NEMP2: variants seen among roughly 807,000 people sequenced by gnomAD.
The protein encoded by NEMP2 is UPF0571 transmembrane protein.
NEMP2 carries 53 observed loss-of-function variants against 54.2 expected under a neutral mutation model. The observed-to-expected ratio is 0.98, with a 90% CI of 0.78 to 1.23. The LOEUF is 1.23. NEMP2 is among the 50% of genes most tolerant of loss of function. The pLI, the probability that NEMP2 is intolerant of heterozygous loss-of-function variation, is 0.00. For synonymous variants in NEMP2, 197 were observed against 190.3 expected (o/e 1.04, Z -0.29); for missense variants, 455 against 511.3 (o/e 0.89, Z 1.06).
the NEMP2 span, among the ~76,000 whole-genome samples, chr2:190,557,247 T>C: frequency 6.6e-6 from 1 of 152,154 alleles, no homozygotes; most frequent in Admixed American, 6.5e-5. Context: ...ATTTAATAAA[T>C]GGTATTGGGA....
the NEMP2 span, among the ~76,000 whole-genome samples, chr2:190,568,930 T>A: frequency 6.6e-6 from 1 of 152,046 alleles, no homozygotes; most frequent in African/African-American, 2.4e-5. The surrounding 1 kb of genome is among the most constrained non-coding windows in gnomAD (Gnocchi z 4.7). Context: ...ACTAAATCCG[T>A]ATCTCCCACA....
At chr2:190,503,881 G>A (rs774722879), downstream of NEMP2, among the ~76,000 whole-genome samples, 17 of 152,196 alleles carry the variant, frequency 1.1e-4, no homozygotes, top group Non-Finnish European at 2.1e-4. This position sits in a 1 kb window ranked among gnomAD's most constrained non-coding sequence, Gnocchi z 6.3. Context: ...CTTCTTATAA[G>A]GGAGTAACTG....
chr2:190,612,904 T>G, the NEMP2 span, among the ~76,000 whole-genome samples: 1 of 152,132 alleles, frequency 6.6e-6, no homozygotes, highest in South Asian at 2.1e-4. Context: ...AATGAATGTT[T>G]TCCTACAATA....
chr2:190,601,844 A>T, the NEMP2 span, among the ~76,000 whole-genome samples: 1 of 152,232 alleles, frequency 6.6e-6, no homozygotes, highest in South Asian at 2.1e-4. This position sits in a 1 kb window ranked among gnomAD's most constrained non-coding sequence, Gnocchi z 5.8. Context: ...AATAAAAAAA[A>T]TCAGACACAA....
At chr2:190,602,763 G>A in the NEMP2 span, among the ~76,000 whole-genome samples, 1 of 152,214 alleles carries the variant, frequency 6.6e-6, no homozygotes, top group Admixed American at 6.5e-5. Context: ...GAGAAAGGCT[G>A]TTGTGTTAGA....
chr2:190,554,759 C>T, the NEMP2 span, among the ~76,000 whole-genome samples: 1 of 152,236 alleles, frequency 6.6e-6, no homozygotes, highest in Non-Finnish European at 1.5e-5. The surrounding 1 kb of genome is among the most constrained non-coding windows in gnomAD (Gnocchi z 5.7). Context: ...CCCTGCCTGG[C>T]AGCACTGAAG....
chr2:190,447,838 T>C, the NEMP2 span, among the ~76,000 whole-genome samples: 1 of 152,198 alleles, frequency 6.6e-6, no homozygotes, highest in African/African-American at 2.4e-5. This position sits in a 1 kb window ranked among gnomAD's most constrained non-coding sequence, Gnocchi z 4.5. Flanking sequence ...AGATAATCAT[T>C]TGGTTTTTAT....
chr2:190,618,704 C>T, the NEMP2 span, among the ~76,000 whole-genome samples: 33 of 152,190 alleles, frequency 2.2e-4, no homozygotes, highest in Non-Finnish European at 4.0e-4. Context: ...CTCAGCCCCT[C>T]AAGTAGCTAG....
the NEMP2 span, among the ~76,000 whole-genome samples, chr2:190,618,971 T>A: frequency 6.6e-6 from 1 of 152,228 alleles, no homozygotes; most frequent in Non-Finnish European, 1.5e-5. Flanking sequence ...AACTTGTAAT[T>A]CTTGCCCAAA....
At chr2:190,534,840 G>T, upstream of NEMP2, 2 of 421,850 alleles carry the variant, frequency 4.7e-6, no homozygotes, top group Non-Finnish European at 8.0e-6. Flanking sequence ...CTCCGCCCGC[G>T]GCCTCGGGGC....
At chr2:190,595,322 A>G in the NEMP2 span, among the ~76,000 whole-genome samples, 5 of 152,228 alleles carry the variant, frequency 3.3e-5, no homozygotes, top group Admixed American at 6.5e-5. This position sits in a 1 kb window ranked among gnomAD's most constrained non-coding sequence, Gnocchi z 4.0. Context: ...CCTAGGCAAT[A>G]CCATTCAGGA....
the NEMP2 span, among the ~76,000 whole-genome samples, chr2:190,600,685 T>C: frequency 2.0e-5 from 3 of 152,146 alleles, no homozygotes; most frequent in African/African-American, 4.8e-5. The surrounding 1 kb of genome is among the most constrained non-coding windows in gnomAD (Gnocchi z 4.9). Context: ...TTTCACCTTT[T>C]GCCATGAGTT....
chr2:190,515,619 C>T (rs910869015), intron 6 of NEMP2, among the ~76,000 whole-genome samples: 2 of 151,976 alleles, frequency 1.3e-5, no homozygotes, highest in African/African-American at 4.8e-5. Flanking sequence ...AAAAGTAGCA[C>T]AAAAAGAAGA....
chr2:190,535,181 T>C (rs1265641467), upstream of NEMP2: 1 of 152,394 alleles, frequency 6.6e-6, no homozygotes, highest in Non-Finnish European at 1.5e-5. Flanking sequence ...GTGAATAAAA[T>C]ACATAAAAGC....
chr2:190,555,374 G>A, the NEMP2 span, among the ~76,000 whole-genome samples: 1 of 151,892 alleles, frequency 6.6e-6, no homozygotes, highest in Non-Finnish European at 1.5e-5. This position sits in a 1 kb window ranked among gnomAD's most constrained non-coding sequence, Gnocchi z 4.8. Flanking sequence ...AAACTCCTTC[G>A]AGCTAAAGGA....
chr2:190,482,903 T>TG, the NEMP2 span, among the ~76,000 whole-genome samples: 332 of 86,182 alleles, frequency 3.9e-3, 100 homozygotes, highest in Non-Finnish European at 5.3e-3. Flanking sequence ...TTTTTTTTTT[T>TG]AGACGGAGTC....
At chr2:190,641,811 A>G in the NEMP2 span, among the ~76,000 whole-genome samples, 1 of 152,166 alleles carries the variant, frequency 6.6e-6, no homozygotes, top group African/African-American at 2.4e-5. Context: ...AGGAGTGGGA[A>G]GAGAAGATAG....
At chr2:190,469,178 C>A in the NEMP2 span, among the ~76,000 whole-genome samples, 1 of 152,060 alleles carries the variant, frequency 6.6e-6, no homozygotes, top group Non-Finnish European at 1.5e-5. The surrounding 1 kb of genome is among the most constrained non-coding windows in gnomAD (Gnocchi z 5.3). Context: ...ATCCATTGAA[C>A]TGATAGGAGA....
chr2:190,602,324 G>A, the NEMP2 span, among the ~76,000 whole-genome samples: 12 of 152,198 alleles, frequency 7.9e-5, no homozygotes, highest in Non-Finnish European at 1.2e-4. Context: ...GGCTGGAAAC[G>A]CAGGCAGCAT....
Sources: allele counts gnomAD v4.1 joint callset (sites outside exome capture counted in the v4.1 genomes callset), GRCh38; gene constraint gnomAD v4.1.1; non-coding constraint Gnocchi (gnomAD v3.1); transcripts MANE v1.5; gene names NCBI Gene and HGNC (gene_info 2026-07-23, HGNC 2026-07-21).